The following MYOM2 variants were observed in gnomAD, a reference collection of about 807,000 sequenced individuals.
MYOM2 encodes myomesin-2.
Under a neutral mutation model 187.6 loss-of-function variants are expected in MYOM2, and 254 were observed. The ratio of observed to expected loss-of-function variants is 1.35; its 90% CI spans 1.22 to 1.50. The LOEUF (loss-of-function observed/expected upper bound fraction) is 1.50. MYOM2 is among the 40% of genes most tolerant of loss of function. The pLI is 0.00. For missense variants in MYOM2, 2,796 were observed against 1,924.0 expected (o/e 1.45, Z -8.48); for synonymous variants, 981 against 753.8 (o/e 1.30, Z -4.94).
rs1191286273 is a variant in MYOM2 at position 2,129,201 on chromosome 8, A to T, written c.3769A>T (p.Thr1257Ser). ...ACTTCAGTGTTTCATGAAGTATTTT[A>T]CAGACGAAATGAAAGTGAACTGGTG... ...IRLQCFMKYF[T>S]DEMKVNWCHK... The change falls in exon 32 of 37, where the codon ACA becomes TCA. Residue 1257 changes from threonine (T) to serine (S), a missense_variant. Coordinates refer to ENST00000262113, the MANE Select transcript of MYOM2 (RefSeq NM_003970.4). 1.9e-6 allele frequency: 3 copies of T among 1,611,470 alleles called. No homozygotes were observed. Among genetic ancestry groups the T allele is most frequent in the Non-Finnish European group, 2.5e-6 (3 of 1,177,784 alleles).
Position 2,069,458 on chromosome 8 carries a change from G to A in MYOM2, c.754G>A (p.Asp252Asn). Residue 252 changes from aspartate to asparagine, a missense_variant, in exon 8 of 37, where the codon GAC becomes AAC. Asp to Asn is a conservative substitution (Grantham distance 23, BLOSUM62 1). Transcript: ENST00000262113. ...TTGCTGTCTTGCAGGGTTCCGGGGA[G>A]ACGAGGAACCATTCCGTTCGGTGGG... is the stretch of plus-strand genomic sequence containing the variant. ...AAVVVRRFRG[D>N]EEPFRSVGLP... The A allele has an allele frequency of 6.2e-7, 1 of 1,614,214 alleles. No individual in the cohort carries two copies. The highest frequency in any genetic ancestry group is 8.5e-7 in the Non-Finnish European group (1 of 1,180,038).
chr8:2,099,738 T>A (rs1358208832), intron 19 of MYOM2, among the ~76,000 whole-genome samples: 2 of 152,210 alleles, frequency 1.3e-5, no homozygotes, highest in African/African-American at 2.4e-5. Flanking sequence ...CTCTCTGTTT[T>A]CAAAAGTTCT....
chr8:2,085,413 G>A, intron 14 of MYOM2, 23 bp downstream of exon 14: 4 of 1,582,294 alleles, frequency 2.5e-6, no homozygotes, highest in Non-Finnish European at 3.4e-6. Context: ...CCCGTGTCCT[G>A]GAAAAGTAGA....
chr8:2,133,834 A>G (rs1463506623), intron 32 of MYOM2, among the ~76,000 whole-genome samples: 4 of 152,158 alleles, frequency 2.6e-5, no homozygotes, highest in African/African-American at 9.7e-5. Flanking sequence ...ATTTTATTGT[A>G]TATAATATTC....
At chr8:2,130,062 C>G (rs1027862054) in intron 32 of MYOM2, among the ~76,000 whole-genome samples, 6 of 152,076 alleles carry the variant, frequency 3.9e-5, no homozygotes, top group Non-Finnish European at 8.8e-5. Flanking sequence ...CAGATGTTAA[C>G]GCCCGTCAGT....
intron 13 of MYOM2, among the ~76,000 whole-genome samples, chr8:2,083,452 C>G (rs952232219): frequency 1.3e-5 from 2 of 151,524 alleles, no homozygotes; most frequent in African/African-American, 4.8e-5. Flanking sequence ...TTAGCGGCAT[C>G]TCGCATGTGC....
chr8:2,064,184 G>A (rs1275063553), intron 6 of MYOM2, among the ~76,000 whole-genome samples: 4 of 152,180 alleles, frequency 2.6e-5, no homozygotes, highest in Non-Finnish European at 5.9e-5. Context: ...CCTGCTTCCC[G>A]GCCTCGGGGC....
At chr8:2,085,172 C>A (rs191253956) in intron 13 of MYOM2, 91 bp from the exon 14 acceptor site, 2 of 1,482,336 alleles carry the variant, frequency 1.3e-6, no homozygotes, top group South Asian at 1.3e-5. Context: ...AGTTCAACAC[C>A]CACGTGGCAG....
intron 25 of MYOM2, among the ~76,000 whole-genome samples, chr8:2,110,502 C>T (rs7004162): frequency 6.3e-4 from 96 of 152,266 alleles, no homozygotes; most frequent in African/African-American, 2.2e-3. Flanking sequence ...TTATAGCGTG[C>T]CTGGGACCCG....
chr8:2,075,388 C>A (rs1397629455), intron 10 of MYOM2, among the ~76,000 whole-genome samples: 1 of 152,088 alleles, frequency 6.6e-6, no homozygotes, highest in Non-Finnish European at 1.5e-5. Flanking sequence ...GGGAGTTTAA[C>A]CATTTTCATC....
chr8:2,128,283 C>A (rs1200907331), intron 31 of MYOM2, among the ~76,000 whole-genome samples: 2 of 152,168 alleles, frequency 1.3e-5, no homozygotes, highest in African/African-American at 4.8e-5. Context: ...TTTTAAGATT[C>A]ATAATATAAA....
In MYOM2 at chr8:2,092,351, C is replaced by T; in HGVS notation, c.1834C>T (p.Pro612Ser). ...CTTTTGTCTCCTACGAAAAGTTGTCCCTTCTGCTCCGGGTCGGGTTCTTGC... is the reference window on the plus strand; with the variant it reads ...CTTTTGTCTCCTACGAAAAGTTGTCTCTTCTGCTCCGGGTCGGGTTCTTGC... ...PIQAQDVTVV[P>S]SAPGRVLASR... Residue 612 changes from proline (P) to serine (S), a missense_variant, in exon 16 of 37, where the codon CCT (proline) becomes TCT (serine). Physicochemically the swap from Pro to Ser is moderately conservative, Grantham distance 74 (BLOSUM62 -1). Transcript: ENST00000262113. 1.2e-6 allele frequency: 2 copies of T among 1,613,666 alleles called. No homozygotes were observed. The highest frequency in any genetic ancestry group is 1.7e-6 in the Non-Finnish European group (2 of 1,179,800).
intron 15 of MYOM2, 93 bp from the exon 16 acceptor site, chr8:2,092,253 G>C: frequency 9.0e-6 from 13 of 1,445,606 alleles, no homozygotes; most frequent in Non-Finnish European, 1.2e-5. Flanking sequence ...CAGTCTGGCT[G>C]TCCAGTTCCC....
intron 32 of MYOM2, among the ~76,000 whole-genome samples, chr8:2,130,169 C>G (rs954914627): frequency 1.6e-5 from 2 of 121,796 alleles, no homozygotes; most frequent in Admixed American, 1.7e-4. Flanking sequence ...GAACACCCCT[C>G]ACTACGCTCT....
intron 35 of MYOM2, 24 bp downstream of exon 35, chr8:2,142,421 C>T: frequency 1.2e-6 from 2 of 1,612,686 alleles, no homozygotes; most frequent in Non-Finnish European, 1.7e-6. Context: ...GGATTGTAAC[C>T]AGGATGGTGA....
chr8:2,050,822 C>A lies in MYOM2; in HGVS notation c.56C>A (p.Ser19Tyr). 1.9e-6 allele frequency: 3 copies of A among 1,613,576 alleles called. No individual in the cohort carries two copies. The highest frequency in any genetic ancestry group is 2.5e-6 in the Non-Finnish European group (3 of 1,179,504). The change falls in exon 2 of 37, where the codon TCC (serine) becomes TAC (tyrosine). Residue 19 changes from serine (S) to tyrosine (Y), a missense_variant. Ser to Tyr is a moderately radical substitution (Grantham distance 144, BLOSUM62 -2). Coordinates refer to ENST00000262113, the MANE Select transcript of MYOM2 (RefSeq NM_003970.4). ...AAGAGACATAGGCACTTCGACCAGT[C>A]CTACCGTAATATTCAAACACGGTAC... ...YQKRHRHFDQ[S>Y]YRNIQTRYLL...
Position 2,050,770 on chromosome 8 carries a change from T to G in MYOM2, c.4T>G (p.Ser2Ala), listed in dbSNP as rs374080538. Residue 2 changes from serine to alanine, a missense_variant, in exon 2 of 37, where the codon TCC becomes GCC. Physicochemically the swap from Ser to Ala is moderately conservative, Grantham distance 99 (BLOSUM62 1). Transcript: ENST00000262113. The stretch of plus-strand genomic sequence containing the variant: ...CTCTTTGTAGGAGCACGCCAAGATG[T>G]CCCTTGTGACTGTCCCCTTCTACCA... M[S>A]LVTVPFYQKR... 22 of 1,610,052 alleles carry G rather than the reference T, an allele frequency of 1.4e-5. No individual in the cohort carries two copies. In the African/African-American group the frequency reaches 2.5e-4, roughly 19 times the overall value.
At chr8:2,086,443 C>T (rs916654866) in intron 14 of MYOM2, among the ~76,000 whole-genome samples, 1 of 137,070 alleles carries the variant, frequency 7.3e-6, no homozygotes, top group African/African-American at 3.0e-5. Flanking sequence ...GCGTGGCCCC[C>T]TACTGTCGTG....
intron 14 of MYOM2, among the ~76,000 whole-genome samples, chr8:2,086,612 A>C (rs1448065304): frequency 6.6e-6 from 1 of 152,102 alleles, no homozygotes; most frequent in Non-Finnish European, 1.5e-5. Context: ...AAATGAGGTT[A>C]GGGCTGTGGT....
Sources: gnomAD v4.1 joint callset for allele counts (sites outside exome capture counted in the v4.1 genomes callset) on GRCh38, gnomAD v4.1.1 for gene constraint, MANE v1.5 for transcripts, NCBI Gene and HGNC (gene_info 2026-07-23, HGNC 2026-07-21) for gene names.